Variants in GLIS3 observed in about 807,000 individuals in gnomAD.
GLIS3 encodes the protein zinc finger protein GLIS3.
In GLIS3, 53 loss-of-function variants were observed where a neutral mutation model predicts 78.6. That is an observed-to-expected ratio of 0.67 (90% CI 0.54 to 0.85). The LOEUF (loss-of-function observed/expected upper bound fraction) is 0.85. GLIS3 is among the 40% of genes least tolerant of loss of function. GLIS3 has a pLI of 0.00. For missense variants in GLIS3, 1,703 were observed against 1,231.1 expected (o/e 1.38, Z -5.74); for synonymous variants, 684 against 509.9 (o/e 1.34, Z -4.60).
intron 4 of GLIS3, among the ~76,000 whole-genome samples, chr9:3,987,359 C>T (rs1427182282): frequency 6.6e-6 from 1 of 151,998 alleles, no homozygotes; most frequent in East Asian, 1.9e-4. Context: ...ACATTTGTAT[C>T]ATCAGAGTTC....
the GLIS3 span, among the ~76,000 whole-genome samples, chr9:4,414,249 A>G: frequency 1.1e-4 from 17 of 152,220 alleles, no homozygotes; most frequent in African/African-American, 4.1e-4. Context: ...CAGATTTTAG[A>G]TTAGATAATC....
At chr9:3,928,243 C>CTAA (rs1329298718) in intron 6 of GLIS3, among the ~76,000 whole-genome samples, 5 of 152,118 alleles carry the variant, frequency 3.3e-5, no homozygotes, top group African/African-American at 1.2e-4. Context: ...GTGCCTATTA[C>CTAA]TAATATTCTA....
intron 4 of GLIS3, among the ~76,000 whole-genome samples, chr9:3,945,940 G>C (rs916288586): frequency 6.6e-6 from 1 of 152,188 alleles, no homozygotes; most frequent in African/African-American, 2.4e-5. Flanking sequence ...CCTCTTACCT[G>C]TTCCCCCACA....
chr9:4,217,592 C>T (rs1049942660), intron 2 of GLIS3, among the ~76,000 whole-genome samples: 3 of 152,246 alleles, frequency 2.0e-5, no homozygotes, highest in Admixed American at 2.0e-4. Flanking sequence ...CCTCAGCTCC[C>T]CACAGTTATT....
At chr9:3,872,267 T>C (rs1417171998) in intron 8 of GLIS3, among the ~76,000 whole-genome samples, 1 of 152,224 alleles carries the variant, frequency 6.6e-6, no homozygotes, top group Non-Finnish European at 1.5e-5. Flanking sequence ...TTTTCCTATC[T>C]TCTTCTGAGC....
intron 4 of GLIS3, among the ~76,000 whole-genome samples, chr9:3,968,069 G>A (rs1173073863): frequency 2.6e-5 from 4 of 152,088 alleles, no homozygotes; most frequent in African/African-American, 7.2e-5. Context: ...CAATCTGTCC[G>A]AAGGTGTGGG....
intron 2 of GLIS3, among the ~76,000 whole-genome samples, chr9:4,263,675 C>T (rs1442920199): frequency 6.6e-6 from 1 of 152,190 alleles, no homozygotes; most frequent in Non-Finnish European, 1.5e-5. Flanking sequence ...GAACTCCTGT[C>T]AAGGTCAGTA....
chr9:3,994,230 G>C (rs900151281), intron 4 of GLIS3, among the ~76,000 whole-genome samples: 1 of 152,124 alleles, frequency 6.6e-6, no homozygotes, highest in Non-Finnish European at 1.5e-5. Context: ...TGATGCAGCC[G>C]GTAGTTTCTC....
chr9:4,119,209 G>A (rs1006596495), intron 3 of GLIS3, among the ~76,000 whole-genome samples: 11 of 152,158 alleles, frequency 7.2e-5, no homozygotes, highest in Non-Finnish European at 1.0e-4. Flanking sequence ...GGGGAAAAAG[G>A]ATAGAGACCT....
chr9:3,915,184 C>T (rs759169197), intron 6 of GLIS3, among the ~76,000 whole-genome samples: 5 of 152,168 alleles, frequency 3.3e-5, no homozygotes, highest in Non-Finnish European at 7.3e-5. Flanking sequence ...CTGCCAAAGT[C>T]ATCTTCATGT....
At chr9:4,270,888 G>GGT (rs148679668) in intron 2 of GLIS3, among the ~76,000 whole-genome samples, 82 of 147,016 alleles carry the variant, frequency 5.6e-4, no homozygotes, top group Admixed American at 2.3e-3. Context: ...CAATCTGTGT[G>GGT]GTGTGTGTGT....
intron 4 of GLIS3, among the ~76,000 whole-genome samples, chr9:4,095,166 C>G (rs1380137430): frequency 6.6e-6 from 1 of 152,150 alleles, no homozygotes; most frequent in African/African-American, 2.4e-5. Flanking sequence ...TTTAACAAAT[C>G]TCTCCCTATC....
At chr9:4,131,063 AG>A (rs201057396) in intron 2 of GLIS3, among the ~76,000 whole-genome samples, 1 of 151,994 alleles carries the variant, frequency 6.6e-6, no homozygotes, top group Admixed American at 6.6e-5. Flanking sequence ...TGACTGCCCT[AG>A]GGGGGGTTGG....
chr9:4,260,566 C>CAAAAA (rs372293678), intron 2 of GLIS3, among the ~76,000 whole-genome samples: 1 of 116,956 alleles, frequency 8.6e-6, no homozygotes, highest in African/African-American at 3.2e-5. Context: ...GACTCTGTCT[C>CAAAAA]AAAAAAAAAA....
At chr9:4,090,515 C>T (rs1461976087) in intron 4 of GLIS3, among the ~76,000 whole-genome samples, 3 of 151,842 alleles carry the variant, frequency 2.0e-5, no homozygotes, top group South Asian at 2.1e-4. Flanking sequence ...AAGCTAAGGG[C>T]GGAAAGAAAA....
intron 4 of GLIS3, among the ~76,000 whole-genome samples, chr9:4,061,247 G>A (rs1407993723): frequency 1.5e-5 from 2 of 131,600 alleles, no homozygotes; most frequent in African/African-American, 3.0e-5. Context: ...CCCGGTGTGT[G>A]ATGTTCCCTT....
intron 2 of GLIS3, among the ~76,000 whole-genome samples, chr9:4,169,013 G>T (rs1467940096): frequency 6.6e-6 from 1 of 152,130 alleles, no homozygotes. Context: ...GTAGTATTTG[G>T]ATATTTTTTC....
chr9:3,875,960 G>A (rs1289398117), intron 8 of GLIS3, among the ~76,000 whole-genome samples: 5 of 152,186 alleles, frequency 3.3e-5, no homozygotes, highest in African/African-American at 1.2e-4. Flanking sequence ...GAATCACTCA[G>A]CTATGCCAAA....
chr9:4,259,544 C>A (rs966334216), intron 2 of GLIS3, among the ~76,000 whole-genome samples: 1 of 152,116 alleles, frequency 6.6e-6, no homozygotes, highest in Non-Finnish European at 1.5e-5. Context: ...CTCACTAACT[C>A]CCCCCACCGC....
Sources: allele counts gnomAD v4.1 joint callset (sites outside exome capture counted in the v4.1 genomes callset), GRCh38; gene constraint gnomAD v4.1.1; transcripts MANE v1.5; gene names NCBI Gene and HGNC (gene_info 2026-07-23, HGNC 2026-07-21).